MARCHF11: variants seen among roughly 807,000 people sequenced by gnomAD.
The protein encoded by MARCHF11 is membrane associated ring-CH-type finger 11.
MARCHF11 carries 29 observed loss-of-function variants against 37.3 expected under a neutral mutation model. The ratio of observed to expected loss-of-function variants is 0.78; its 90% confidence interval spans 0.58 to 1.06. The LOEUF (loss-of-function observed/expected upper bound fraction) is 1.06. Ranked by LOEUF, MARCHF11 falls within the 50% of genes least tolerant of loss-of-function variation. The pLI is 0.00. For synonymous variants in MARCHF11, 233 were observed against 228.0 expected (o/e 1.02, Z -0.20); for missense variants, 482 against 533.4 (o/e 0.90, Z 0.95).
At chr5:16,071,484 T>C (rs948232918) in intron 3 of MARCHF11, among the ~76,000 whole-genome samples, 2 of 152,244 alleles carry the variant, frequency 1.3e-5, no homozygotes, top group Admixed American at 6.5e-5. Context: ...TCTGGTTTCA[T>C]TGAATAAACA....
Position 16,162,959 on chromosome 5 carries a change from C to T in MARCHF11, c.693+14767G>A, listed in dbSNP as rs1032337779. On this transcript the variant is annotated intron_variant, in intron 2 of 3. Coordinates refer to ENST00000332432, the MANE Select transcript of MARCHF11 (RefSeq NM_001102562.3). ...ACATAGAGTAGCGTTGTTGCTTATA[C>T]AGCTGAGTAAGTGGCTGAGCTGAAA... is the stretch of plus-strand genomic sequence containing the variant. Among the ~76,000 whole-genome samples, 45 of 152,034 alleles carry T rather than the reference C, an allele frequency of 3.0e-4. 1 individual carries two copies. The highest frequency in any genetic ancestry group is 1.1e-3 in the African/African-American group (44 of 41,434).
chr5:16,128,953 T>G (rs191740879), intron 2 of MARCHF11, among the ~76,000 whole-genome samples: 221 of 152,354 alleles, frequency 1.5e-3, no homozygotes, highest in African/African-American at 5.0e-3. Context: ...CCTGTTGTAC[T>G]TATTTCCATG....
rs369543674 is a variant in MARCHF11, at chr5:16,120,345, T to C, written c.694-29264A>G. Among the ~76,000 whole-genome samples, 102 of 152,292 alleles carry C rather than the reference T, an allele frequency of 6.7e-4. 3 individuals carry two copies. The South Asian group carries it at 0.019, about 28-fold the overall frequency. ...AAGTGTTAACTTCTCACCCGCTTCA[T>C]GGCTACCTCCCCTGTACAAGTCTCA... On this transcript the variant is annotated intron_variant, in intron 2 of 3. Transcript: ENST00000332432.
At chr5:16,104,579 C>A (rs1158484844) in intron 2 of MARCHF11, among the ~76,000 whole-genome samples, 1 of 151,844 alleles carries the variant, frequency 6.6e-6, no homozygotes, top group Non-Finnish European at 1.5e-5. Context: ...TGTGTGTTAT[C>A]TTCAATCGTA....
chr5:16,070,978 T>TA (rs774989950), intron 3 of MARCHF11, among the ~76,000 whole-genome samples: 1 of 152,032 alleles, frequency 6.6e-6, no homozygotes, highest in Admixed American at 6.5e-5. Context: ...GCTGTGGCGT[T>TA]ACGGCGAACA....
chr5:16,099,600 T>C (rs1453792552), intron 2 of MARCHF11, among the ~76,000 whole-genome samples: 3 of 152,194 alleles, frequency 2.0e-5, no homozygotes, highest in African/African-American at 7.2e-5. Flanking sequence ...CTTCTTGTTT[T>C]GTTTGGTTTT....
intron 2 of MARCHF11, among the ~76,000 whole-genome samples, chr5:16,103,123 A>AT (rs1378443859): frequency 6.6e-6 from 1 of 152,110 alleles, no homozygotes; most frequent in African/African-American, 2.4e-5. Context: ...AAAAAAAAAA[A>AT]CAAAACTCCA....
At chr5:16,164,831 T>C (rs1738143215) in intron 2 of MARCHF11, among the ~76,000 whole-genome samples, 1 of 152,090 alleles carries the variant, frequency 6.6e-6, no homozygotes, top group African/African-American at 2.4e-5. Context: ...CACCATTTTG[T>C]CCCTTTTGTC....
chr5:16,082,229 C>G (rs1736623866), intron 3 of MARCHF11, among the ~76,000 whole-genome samples: 1 of 152,202 alleles, frequency 6.6e-6, no homozygotes, highest in Non-Finnish European at 1.5e-5. Flanking sequence ...GGATAAGCTG[C>G]TGCTTGTGTT....
At chr5:16,075,039 TGTCAGATGGA>T (rs1211385554) in intron 3 of MARCHF11, among the ~76,000 whole-genome samples, 1 of 152,220 alleles carries the variant, frequency 6.6e-6, no homozygotes, top group African/African-American at 2.4e-5. Context: ...AAAGCCCAAT[TGTCAGATGGA>T]GTCTCATCTT....
intron 2 of MARCHF11, among the ~76,000 whole-genome samples, chr5:16,169,806 A>T (rs1738228779): frequency 6.6e-6 from 1 of 152,120 alleles, no homozygotes; most frequent in Non-Finnish European, 1.5e-5. Flanking sequence ...TTATCTACTC[A>T]TCAGTCCATT....
intron 2 of MARCHF11, among the ~76,000 whole-genome samples, chr5:16,099,835 C>T (rs937595938): frequency 1.3e-5 from 2 of 152,210 alleles, no homozygotes; most frequent in African/African-American, 4.8e-5. Context: ...ATCATCATTT[C>T]GTTCATTAAA....
chr5:16,167,167 T>TGC (rs1322540191), intron 2 of MARCHF11, among the ~76,000 whole-genome samples: 1 of 151,880 alleles, frequency 6.6e-6, no homozygotes, highest in African/African-American at 2.4e-5. Context: ...CGTGTGTGTG[T>TGC]GTGTGTGTGT....
chr5:16,144,562 TGG>T (rs1038880582), intron 2 of MARCHF11, among the ~76,000 whole-genome samples: 3 of 152,178 alleles, frequency 2.0e-5, no homozygotes, highest in Non-Finnish European at 4.4e-5. Context: ...TTGATGGATT[TGG>T]GGGTTTTAAC....
At chr5:16,073,678 T>A (rs1175210469) in intron 3 of MARCHF11, among the ~76,000 whole-genome samples, 1 of 151,648 alleles carries the variant, frequency 6.6e-6, no homozygotes, top group Non-Finnish European at 1.5e-5. Flanking sequence ...ATATAAAGAC[T>A]GAAAAATACA....
chr5:16,162,349 A>AAAGAACT (rs1738093599), intron 2 of MARCHF11, among the ~76,000 whole-genome samples: 1 of 152,064 alleles, frequency 6.6e-6, no homozygotes, highest in Non-Finnish European at 1.5e-5. Flanking sequence ...TAAGCTGTAA[A>AAAGAACT]TATTGACCTC....
At chr5:16,122,397 G>A (rs115014959) in intron 2 of MARCHF11, among the ~76,000 whole-genome samples, 161 of 152,270 alleles carry the variant, frequency 1.1e-3, no homozygotes, top group African/African-American at 3.6e-3. Flanking sequence ...CCTTTGGTCA[G>A]CAATCTGGAA....
intron 2 of MARCHF11, among the ~76,000 whole-genome samples, chr5:16,163,358 C>A (rs344737): frequency 0.92 from 140,435 of 151,958 alleles, 65,702 homozygotes; most frequent in East Asian, 1. Flanking sequence ...ATACTCACAG[C>A]AATTCCATCT....
chr5:16,160,313 A>AT, intron 2 of MARCHF11, among the ~76,000 whole-genome samples: 1 of 33,224 alleles, frequency 3.0e-5, no homozygotes, highest in South Asian at 1.7e-3. Flanking sequence ...TTTAATATTT[A>AT]ATATAAACAT....
Sources: gnomAD v4.1 joint callset for allele counts (sites outside exome capture counted in the v4.1 genomes callset) on GRCh38, gnomAD v4.1.1 for gene constraint, MANE v1.5 for transcripts, NCBI Gene and HGNC (gene_info 2026-07-23, HGNC 2026-07-21) for gene names.